The following GABPB2 variants were observed in gnomAD, a reference collection of about 807,000 sequenced individuals.
The protein encoded by GABPB2 is GA-binding protein subunit beta-2.
A neutral mutation model predicts 39.1 loss-of-function variants in GABPB2; 23 were observed. The observed-to-expected ratio is 0.59, with a 90% CI of 0.42 to 0.83. The LOEUF (loss-of-function observed/expected upper bound fraction) is 0.83, where lower values mean the gene tolerates loss of function less well. Among genes scored for constraint, GABPB2 ranks in the 40% least tolerant of loss-of-function variants. GABPB2 has a pLI of 0.00. For missense variants in GABPB2, 467 were observed against 541.1 expected (o/e 0.86, Z 1.36); for synonymous variants, 184 against 199.3 (o/e 0.92, Z 0.65).
intron 5 of GABPB2, among the ~76,000 whole-genome samples, chr1:151,099,524 T>C (rs1008168883): frequency 1.3e-5 from 2 of 152,014 alleles, no homozygotes; most frequent in African/African-American, 2.4e-5. Context: ...TTTATAAATA[T>C]TTTTTTTACA....
At chr1:151,106,815 C>A (rs114249661) in intron 6 of GABPB2, among the ~76,000 whole-genome samples, 1 of 152,090 alleles carries the variant, frequency 6.6e-6, no homozygotes, top group Non-Finnish European at 1.5e-5. Flanking sequence ...GTTATTAATA[C>A]CTCAGTGAAC....
At chr1:151,078,605 GA>G (rs770012576) in intron 1 of GABPB2, among the ~76,000 whole-genome samples, 16 of 151,188 alleles carry the variant, frequency 1.1e-4, no homozygotes, top group Middle Eastern at 6.8e-3. Flanking sequence ...AAAAAAAATA[GA>G]AAAAAAAATT....
chr1:151,089,512 T>C (rs1306282917), intron 2 of GABPB2, among the ~76,000 whole-genome samples: 1 of 152,200 alleles, frequency 6.6e-6, no homozygotes, highest in Non-Finnish European at 1.5e-5. Flanking sequence ...AAATTTTTAT[T>C]GCGTCTTCAT....
At chr1:151,109,705 T>C (rs587690002) in intron 7 of GABPB2, among the ~76,000 whole-genome samples, 1 of 151,786 alleles carries the variant, frequency 6.6e-6, no homozygotes, top group African/African-American at 2.4e-5. Flanking sequence ...AGATAGGATC[T>C]CCCTTTGTTG....
At position 151,115,393 on chromosome 1, in the gene GABPB2, A is replaced by T. The variant is rs587636576; in HGVS notation, c.923-1999A>T. On this transcript the variant is annotated intron_variant, in intron 7 of 8. Coordinates refer to ENST00000368918, the MANE Select transcript of GABPB2 (RefSeq NM_144618.3). Reference sequence around the variant, plus strand: ...AAGGAAAGAAAGAAAGAAACTGGCAAACTATTTTCTTTTTTTTTTTTTTTT... The same window carrying T: ...AAGGAAAGAAAGAAAGAAACTGGCATACTATTTTCTTTTTTTTTTTTTTTT... Among the ~76,000 whole-genome samples the T allele has an allele frequency of 3.0e-5, 4 of 131,340 alleles. No homozygotes were observed. In the South Asian group the frequency reaches 7.5e-4, roughly 25 times the overall value. The allele number at this position is 131,340 out of a possible 152,430, so 86.2% of individuals were successfully genotyped here.
intron 1 of GABPB2, among the ~76,000 whole-genome samples, chr1:151,078,787 G>GCAC (rs1168547869): frequency 6.6e-6 from 1 of 151,696 alleles, no homozygotes; most frequent in Non-Finnish European, 1.5e-5. Context: ...GTACAGGCGT[G>GCAC]CACCACCACA....
intron 4 of GABPB2, among the ~76,000 whole-genome samples, chr1:151,095,511 A>C (rs587642653): frequency 6.6e-6 from 1 of 152,326 alleles, no homozygotes; most frequent in South Asian, 2.1e-4. Flanking sequence ...CTAAATAACT[A>C]TACGGTGACT....
chr1:151,071,790 CA>C (rs1676750238), intron 1 of GABPB2, among the ~76,000 whole-genome samples: 1 of 152,204 alleles, frequency 6.6e-6, no homozygotes, highest in Non-Finnish European at 1.5e-5. Context: ...GCTTCTTTCA[CA>C]GTTGTTTGTA....
chr1:151,094,549 A>G (rs1226214593), intron 4 of GABPB2, among the ~76,000 whole-genome samples: 1 of 149,790 alleles, frequency 6.7e-6, no homozygotes, highest in Non-Finnish European at 1.5e-5. Flanking sequence ...GGGTTTCACC[A>G]TTTTGGCCAG....
intron 1 of GABPB2, among the ~76,000 whole-genome samples, chr1:151,075,513 G>A (rs1045414084): frequency 1.4e-5 from 2 of 144,764 alleles, no homozygotes; most frequent in South Asian, 2.2e-4. Context: ...GCAGTGAGCC[G>A]AGATTGTGCC....
intron 6 of GABPB2, among the ~76,000 whole-genome samples, chr1:151,106,109 C>T (rs1679942549): frequency 6.6e-6 from 1 of 151,456 alleles, no homozygotes; most frequent in Non-Finnish European, 1.5e-5. Flanking sequence ...TTACAGGCGC[C>T]CACCAACACG....
intron 2 of GABPB2, among the ~76,000 whole-genome samples, chr1:151,089,358 A>T (rs2101484628): frequency 6.6e-6 from 1 of 152,340 alleles, no homozygotes; most frequent in South Asian, 2.1e-4. Flanking sequence ...GAAAAAGCAA[A>T]GAATAAACTA....
chr1:151,088,085 A>G (rs1678351483), intron 1 of GABPB2, 105 bp from the exon 2 acceptor site: 2 of 731,194 alleles, frequency 2.7e-6, no homozygotes, highest in Non-Finnish European at 4.7e-6. Flanking sequence ...CTTGAGATGT[A>G]TCTTATATAC....
rs1288695009 is a variant in GABPB2 at position 151,103,552 on chromosome 1, A to G, written c.623-10A>G. 6.3e-7 allele frequency: 1 copy of G among 1,589,926 alleles called. No individual in the cohort carries two copies. Among genetic ancestry groups the G allele is most frequent in the South Asian group, 1.1e-5 (1 of 89,852 alleles). On this transcript the variant is annotated splice_polypyrimidine_tract_variant and intron_variant, in intron 5 of 8. Coordinates refer to ENST00000368918, the MANE Select transcript of GABPB2 (RefSeq NM_144618.3). ...ACATTGGACCTCATTTGTCTTTCTT[A>G]CTGAAATAGGTGACCCCCATGCCTC...
intron 1 of GABPB2, 161 bp from the exon 2 acceptor site, chr1:151,088,029 T>A (rs1309999854): frequency 1.7e-5 from 10 of 573,664 alleles, no homozygotes; most frequent in Non-Finnish European, 2.8e-5. Flanking sequence ...TATTTTATTG[T>A]TTGTGTTAGA....
At chr1:151,108,479 G>A (rs894628823) in intron 7 of GABPB2, among the ~76,000 whole-genome samples, 6 of 152,068 alleles carry the variant, frequency 3.9e-5, no homozygotes, top group African/African-American at 1.4e-4. Flanking sequence ...GTGATGTTGT[G>A]TACCTTTTGG....
In GABPB2 at chr1:151,098,014, A is replaced by G; in HGVS notation, c.622+12A>G. The G allele has an allele frequency of 6.2e-7, 1 of 1,612,012 alleles. No homozygotes were observed. Among genetic ancestry groups the G allele is most frequent in the East Asian group, 2.2e-5 (1 of 44,850 alleles). Reference sequence around the variant, plus strand: ...CAAAACAACCTCAGGTAATGTTCTGATAACATGAAATTTATTTTAGACTCA... The same window carrying G: ...CAAAACAACCTCAGGTAATGTTCTGGTAACATGAAATTTATTTTAGACTCA... On this transcript the variant is annotated intron_variant, in intron 5 of 8. Coordinates refer to ENST00000368918, the MANE Select transcript of GABPB2 (RefSeq NM_144618.3).
chr1:151,117,441 G>C lies in GABPB2; in HGVS notation c.972G>C (p.Glu324Asp). Residue 324 changes from glutamate (E) to aspartate (D), a missense_variant, in exon 8 of 9, where the codon GAG (glutamate) becomes GAC (aspartate). Coordinates refer to ENST00000368918, the MANE Select transcript of GABPB2 (RefSeq NM_144618.3). ...TTGCAGAGGAGACTGTAATTAAAGA[G>C]GAAGAAGAAGAGAAGTTGCCACTAA... is the stretch of plus-strand genomic sequence containing the variant. ...GKVAEETVIK[E>D]EEEEKLPLTK... The C allele has an allele frequency of 6.2e-7, 1 of 1,613,738 alleles. No individual in the cohort carries two copies. Among genetic ancestry groups the C allele is most frequent in the Non-Finnish European group, 8.5e-7 (1 of 1,179,678 alleles).
Position 151,119,954 on chromosome 1 carries a change from T to G in GABPB2, c.*1698T>G, listed in dbSNP as rs1397244848. 2 of 151,034 alleles carry G rather than the reference T, an allele frequency of 1.3e-5. No individual in the cohort carries two copies. Among genetic ancestry groups the G allele is most frequent in the African/African-American group, 4.9e-5 (2 of 41,020 alleles). 9.4% of individuals were successfully genotyped at this position (151,034 alleles called of 1,614,324 possible). A position where few individuals can be genotyped will look rare whatever the true frequency, so the allele number is the denominator to read the frequency against. On this transcript the variant is annotated 3_prime_UTR_variant, in exon 9 of 9. Transcript: ENST00000368918. The stretch of plus-strand genomic sequence containing the variant: ...AAAAAAAGGAAATTGAAATAGAGTT[T>G]TTAAAAACTGAACTGGAAAGCCGAG...
Sources: gnomAD v4.1 joint callset for allele counts (sites outside exome capture counted in the v4.1 genomes callset) on GRCh38, gnomAD v4.1.1 for gene constraint, MANE v1.5 for transcripts, NCBI Gene and HGNC (gene_info 2026-07-23, HGNC 2026-07-21) for gene names.